The following ZNF695 variants were observed in gnomAD, a reference collection of about 807,000 sequenced individuals.
ZNF695 encodes the protein zinc finger protein 695.
Under a neutral mutation model 11.2 loss-of-function variants are expected in ZNF695, and 11 were observed. The observed-to-expected ratio is 0.98, with a 90% CI of 0.62 to 1.62. The LOEUF is 1.62. Ranked by LOEUF, ZNF695 falls within the 40% of genes most tolerant of loss-of-function variation. The probability of loss-of-function intolerance (pLI) is 0.00; values close to 1 mark genes in which losing one functional copy is unlikely to be tolerated. For synonymous variants in ZNF695, 190 were observed against 201.4 expected (o/e 0.94, Z 0.48); for missense variants, 559 against 590.5 (o/e 0.95, Z 0.55).
intron 4 of ZNF695, chr1:246,968,869 G>A (rs1668353717): frequency 6.6e-6 from 1 of 152,532 alleles, no homozygotes; most frequent in Non-Finnish European, 1.5e-5. Context: ...CTAAAGCACA[G>A]GGAACAGGGT....
chr1:246,973,055 T>C (rs1329815434), intron 4 of ZNF695, among the ~76,000 whole-genome samples: 5 of 149,864 alleles, frequency 3.3e-5, no homozygotes, highest in Admixed American at 2.0e-4. Flanking sequence ...CATATATATA[T>C]ATATATATTT....
intron 5 of ZNF695, among the ~76,000 whole-genome samples, chr1:246,946,132 C>CTCCCT (rs1558299371): frequency 6.6e-6 from 1 of 152,142 alleles, no homozygotes; most frequent in Admixed American, 6.6e-5. Context: ...AAATGCTCCC[C>CTCCCT]GTGCCACACC....
chr1:246,977,660 G>C (rs1315617691), intron 4 of ZNF695, among the ~76,000 whole-genome samples: 10 of 152,206 alleles, frequency 6.6e-5, no homozygotes, highest in African/African-American at 2.2e-4. Flanking sequence ...TATGACATTG[G>C]TGATTTCATT....
rs922493663 is a variant in ZNF695 at position 246,986,376 on chromosome 1, T to C, written c.*591A>G. 39 of 985,372 alleles carry C rather than the reference T, an allele frequency of 4.0e-5. No individual in the cohort carries two copies. The highest frequency in any genetic ancestry group is 5.2e-5 in the African/African-American group (3 of 57,234). The allele number at this position is 985,372 out of a possible 1,614,324, so 61.0% of individuals were successfully genotyped here. The stretch of plus-strand genomic sequence containing the variant: ...AGCCACCGTGCCTGGCACCAAAAGG[T>C]ATACTTGAAATGTAATTATAACTTC... On this transcript the variant is annotated 3_prime_UTR_variant, in exon 4 of 4. Transcript: ENST00000339986.
chr1:246,995,056 T>C (rs539676762), intron 3 of ZNF695, among the ~76,000 whole-genome samples: 15 of 152,066 alleles, frequency 9.9e-5, no homozygotes, highest in Non-Finnish European at 1.6e-4. Context: ...ACGGGGGACT[T>C]GAAAGCACTA....
chr1:246,967,102 C>T (rs2103009440), intron 5 of ZNF695, among the ~76,000 whole-genome samples: 1 of 152,186 alleles, frequency 6.6e-6, no homozygotes, highest in South Asian at 2.1e-4. Flanking sequence ...CCATGCCTGG[C>T]TAATTTTGTA....
chr1:247,006,097 C>A (rs986962344), intron 1 of ZNF695, among the ~76,000 whole-genome samples: 1 of 151,872 alleles, frequency 6.6e-6, no homozygotes, highest in Non-Finnish European at 1.5e-5. Context: ...TAGTGGCACA[C>A]GCCTGTGGTC....
intron 3 of ZNF695, among the ~76,000 whole-genome samples, chr1:246,998,696 G>A (rs558347987): frequency 1.8e-4 from 27 of 152,284 alleles, no homozygotes; most frequent in East Asian, 7.7e-4. Flanking sequence ...GGCCGGGCGC[G>A]GTGGCTCACG....
chr1:246,965,313 C>T (rs1376316506), intron 5 of ZNF695, among the ~76,000 whole-genome samples: 3 of 145,974 alleles, frequency 2.1e-5, no homozygotes, highest in South Asian at 2.2e-4. Context: ...GCCGAGATAG[C>T]GCCACTGCAC....
At chr1:246,966,187 G>C (rs1022705747) in intron 5 of ZNF695, among the ~76,000 whole-genome samples, 2 of 152,094 alleles carry the variant, frequency 1.3e-5, no homozygotes, top group Non-Finnish European at 2.9e-5. Flanking sequence ...GAGCAAGTGA[G>C]AGAATAAAAG....
intron 4 of ZNF695, among the ~76,000 whole-genome samples, chr1:246,973,580 C>T (rs959431270): frequency 1.6e-4 from 25 of 152,096 alleles, no homozygotes; most frequent in Non-Finnish European, 3.7e-4. Flanking sequence ...AAAATGATTA[C>T]CACAGACTTT....
intron 4 of ZNF695, among the ~76,000 whole-genome samples, chr1:246,979,632 G>T (rs368226412): frequency 6.6e-6 from 1 of 151,964 alleles, no homozygotes; most frequent in African/African-American, 2.4e-5. Flanking sequence ...AATGAATTTC[G>T]CATTCCAAAT....
intron 5 of ZNF695, among the ~76,000 whole-genome samples, chr1:246,961,730 C>T (rs919641166): frequency 2.6e-5 from 4 of 152,182 alleles, no homozygotes; most frequent in Non-Finnish European, 5.9e-5. Flanking sequence ...GTGCTGCCCT[C>T]GGGCTCCACA....
intron 5 of ZNF695, among the ~76,000 whole-genome samples, chr1:246,956,828 T>C (rs1027733762): frequency 6.6e-6 from 1 of 152,170 alleles, no homozygotes; most frequent in Non-Finnish European, 1.5e-5. Context: ...ATTACAGGCA[T>C]GAGCCACTGC....
intron 5 of ZNF695, among the ~76,000 whole-genome samples, chr1:246,961,571 C>A (rs1320912176): frequency 6.6e-6 from 1 of 152,198 alleles, no homozygotes; most frequent in African/African-American, 2.4e-5. Context: ...CCAAGACACT[C>A]AGGGAATCTT....
chr1:246,948,084 T>C (rs889530126), intron 5 of ZNF695, among the ~76,000 whole-genome samples: 2 of 152,094 alleles, frequency 1.3e-5, no homozygotes, highest in Non-Finnish European at 2.9e-5. Context: ...CTTTTTCTTT[T>C]CTTTTTTGAG....
chr1:246,974,798 C>T (rs1464294027), intron 4 of ZNF695, among the ~76,000 whole-genome samples: 1 of 152,166 alleles, frequency 6.6e-6, no homozygotes, highest in Non-Finnish European at 1.5e-5. Context: ...AAAAGCAGCA[C>T]ATCTAGTCCC....
At chr1:246,953,359 A>AGCACTTTAG (rs1667912022) in intron 5 of ZNF695, among the ~76,000 whole-genome samples, 1 of 152,220 alleles carries the variant, frequency 6.6e-6, no homozygotes, top group East Asian at 1.9e-4. Flanking sequence ...CTGTAATCCC[A>AGCACTTTAG]GCACTTTAGG....
intron 4 of ZNF695, among the ~76,000 whole-genome samples, chr1:246,971,040 T>C (rs1265555047): frequency 1.3e-5 from 2 of 152,196 alleles, no homozygotes; most frequent in Non-Finnish European, 2.9e-5. Flanking sequence ...AGGGGACTAC[T>C]ACCACCTAAA....
Sources: gnomAD v4.1 joint callset for allele counts (sites outside exome capture counted in the v4.1 genomes callset) on GRCh38, gnomAD v4.1.1 for gene constraint, MANE v1.5 for transcripts, NCBI Gene and HGNC (gene_info 2026-07-23, HGNC 2026-07-21) for gene names.